Variants in AFF1 observed in about 807,000 individuals in gnomAD.
AFF1 encodes AF4/FMR2 family member 1.
In AFF1, 48 loss-of-function variants were observed where a neutral mutation model predicts 121.7. The observed-to-expected ratio is 0.39, with a 90% CI of 0.31 to 0.50. AFF1 has a LOEUF of 0.50. Ranked by LOEUF, AFF1 falls within the 20% of genes least tolerant of loss-of-function variation. AFF1 has a pLI of 0.76. For missense variants in AFF1, 1,523 were observed against 1,511.7 expected (o/e 1.01, Z -0.12); for synonymous variants, 613 against 563.0 (o/e 1.09, Z -1.26).
chr4:87,065,932 T>C (rs1231355334), intron 4 of AFF1, among the ~76,000 whole-genome samples: 2 of 152,198 alleles, frequency 1.3e-5, no homozygotes, highest in Admixed American at 6.5e-5. Context: ...AAGGCTTTTA[T>C]GATGATAACT....
At chr4:87,059,646 GC>G (rs2149648278) in intron 4 of AFF1, among the ~76,000 whole-genome samples, 1 of 152,276 alleles carries the variant, frequency 6.6e-6, no homozygotes, top group African/African-American at 2.4e-5. Context: ...AGGACAGAAA[GC>G]CAGATGTGTC....
intron 2 of AFF1, among the ~76,000 whole-genome samples, chr4:87,038,969 A>C (rs533915318): frequency 3.3e-5 from 5 of 152,302 alleles, no homozygotes; most frequent in Non-Finnish European, 7.4e-5. Context: ...TCAGCTGTGC[A>C]CAGCCAGCCC....
intron 6 of AFF1, 123 bp from the exon 7 acceptor site, chr4:87,091,670 A>AT: frequency 1.5e-6 from 1 of 669,734 alleles, no homozygotes; most frequent in Non-Finnish European, 2.5e-6. Flanking sequence ...CACTGTTTCC[A>AT]TTTTTCTAGA....
At chr4:87,122,652 C>T (rs1231399228) in intron 12 of AFF1, among the ~76,000 whole-genome samples, 2 of 152,100 alleles carry the variant, frequency 1.3e-5, no homozygotes, top group East Asian at 3.9e-4. Context: ...TGAATTATTA[C>T]ATTTCTGAGT....
intron 4 of AFF1, among the ~76,000 whole-genome samples, chr4:87,071,757 G>C (rs1018070138): frequency 3.3e-5 from 5 of 152,130 alleles, no homozygotes; most frequent in Non-Finnish European, 7.4e-5. Flanking sequence ...CTATTAGAAC[G>C]GTTGCCTTTT....
At chr4:86,950,725 A>C (rs1303126361) in intron 2 of AFF1, among the ~76,000 whole-genome samples, 2 of 152,166 alleles carry the variant, frequency 1.3e-5, no homozygotes, top group East Asian at 3.9e-4. Context: ...CCCTCACCAA[A>C]GGGAAGACAG....
intron 2 of AFF1, among the ~76,000 whole-genome samples, chr4:87,040,579 T>TA (rs1025399102): frequency 6.7e-6 from 1 of 149,844 alleles, no homozygotes; most frequent in Non-Finnish European, 1.5e-5. Context: ...TTTTTTTTTT[T>TA]AATTGAGACA....
At chr4:87,117,284 A>G (rs1385683306) in intron 12 of AFF1, among the ~76,000 whole-genome samples, 1 of 152,202 alleles carries the variant, frequency 6.6e-6, no homozygotes, top group Non-Finnish European at 1.5e-5. Flanking sequence ...CTTTCTGTTT[A>G]GAGCATGCAG....
intron 2 of AFF1, among the ~76,000 whole-genome samples, chr4:86,962,410 A>C (rs1173917880): frequency 6.6e-6 from 1 of 152,168 alleles, no homozygotes; most frequent in Non-Finnish European, 1.5e-5. Context: ...TAATGACTAA[A>C]TATATACATT....
rs753696027 is a variant in AFF1, at chr4:87,105,635, G to A, written c.1291G>A (p.Glu431Lys). The change falls in exon 9 of 21, where the codon GAA (glutamate) becomes AAA (lysine). Residue 431 changes from glutamate to lysine, a missense_variant. Glu to Lys is a moderately conservative substitution (Grantham distance 56, BLOSUM62 1). Transcript: ENST00000395146. ...TGTCCCTGCCCATTCCAGCATGCTC[G>A]AAGACGACCTTCAGCTCAGTGACAG... ...NSQQGTSSML[E>K]DDLQLSDSED... The A allele has an allele frequency of 1.2e-5, 19 of 1,613,938 alleles. No homozygotes were observed. Among genetic ancestry groups the A allele is most frequent in the Non-Finnish European group, 1.5e-5 (18 of 1,180,008 alleles).
chr4:87,089,725 G>A (rs1177376089), intron 5 of AFF1, among the ~76,000 whole-genome samples: 2 of 152,098 alleles, frequency 1.3e-5, no homozygotes, highest in Admixed American at 1.3e-4. Context: ...TAATATTCAG[G>A]GTGTTAAATT....
chr4:87,118,725 A>G (rs1053702223), intron 12 of AFF1, among the ~76,000 whole-genome samples: 4 of 152,184 alleles, frequency 2.6e-5, no homozygotes, highest in East Asian at 1.9e-4. Flanking sequence ...GCCTCCAGCA[A>G]TCCTACCTCA....
chr4:86,967,001 A>C (rs1722583673), intron 2 of AFF1, among the ~76,000 whole-genome samples: 1 of 152,170 alleles, frequency 6.6e-6, no homozygotes, highest in African/African-American at 2.4e-5. Flanking sequence ...TTTATAGAAG[A>C]TCTCTCAATT....
chr4:87,099,207 G>T (rs1725175402), intron 8 of AFF1, among the ~76,000 whole-genome samples: 1 of 152,094 alleles, frequency 6.6e-6, no homozygotes, highest in African/African-American at 2.4e-5. Flanking sequence ...AAATATTATG[G>T]AAGTGGTAGA....
In AFF1 at chr4:86,999,146, G is replaced by A. The variant is rs77771166; in HGVS notation, c.39-47020G>A. 3.9e-3 allele frequency among the ~76,000 whole-genome samples: 593 copies of A among 152,062 alleles called. 3 individuals carry two copies. Among genetic ancestry groups the A allele is most frequent in the African/African-American group, 0.013 (557 of 41,420 alleles). On this transcript the variant is annotated intron_variant, in intron 2 of 20. Coordinates refer to ENST00000395146, the MANE Select transcript of AFF1 (RefSeq NM_001166693.3). ...GTTTGCTATTCAACAAATTATTAAT[G>A]TGGCTGATCTTATTTTAAGGGGTTT...
chr4:87,110,441 T>TTTTTG (rs70957206), intron 11 of AFF1, among the ~76,000 whole-genome samples: 3,017 of 144,016 alleles, frequency 0.021, 131 homozygotes, highest in African/African-American at 0.075. Context: ...TGTTCTGGTT[T>TTTTTG]TTTTGTTTTG....
intron 12 of AFF1, among the ~76,000 whole-genome samples, chr4:87,120,656 G>A (rs771129717): frequency 5.9e-5 from 9 of 152,198 alleles, no homozygotes; most frequent in Non-Finnish European, 1.3e-4. Flanking sequence ...TGAATAAGGT[G>A]GTTACCGCGT....
chr4:87,080,042 A>AT (rs1723021058), intron 4 of AFF1, among the ~76,000 whole-genome samples: 1 of 152,200 alleles, frequency 6.6e-6, no homozygotes, highest in Admixed American at 6.5e-5. Context: ...AGCTGCTATC[A>AT]TTTTTTTAAA....
chr4:87,105,323 T>C (rs2149744997), intron 8 of AFF1, among the ~76,000 whole-genome samples: 1 of 152,340 alleles, frequency 6.6e-6, no homozygotes, highest in Non-Finnish European at 1.5e-5. Context: ...TCGCAACGAA[T>C]CCTTGTCTTG....
Sources: gnomAD v4.1 joint callset for allele counts (sites outside exome capture counted in the v4.1 genomes callset) on GRCh38, gnomAD v4.1.1 for gene constraint, MANE v1.5 for transcripts, NCBI Gene and HGNC (gene_info 2026-07-23, HGNC 2026-07-21) for gene names.